Variants in PRDX3 observed in about 807,000 individuals in gnomAD.
PRDX3 encodes thioredoxin-dependent peroxide reductase, mitochondrial.
PRDX3 carries 20 observed loss-of-function variants against 30.4 expected under a neutral mutation model. That is an observed-to-expected ratio of 0.66 (90% CI 0.46 to 0.96). PRDX3 has a LOEUF of 0.96. PRDX3 is among the 40% of genes least tolerant of loss of function. The probability of loss-of-function intolerance (pLI) is 0.00; values close to 1 mark genes in which losing one functional copy is unlikely to be tolerated. For missense variants in PRDX3, 322 were observed against 318.3 expected, an observed-to-expected ratio of 1.01 and a Z score of -0.09; for synonymous variants, 124 against 117.8, an observed-to-expected ratio of 1.05 and a Z score of -0.34.
rs574593732 is a variant in PRDX3 at position 119,168,186 on chromosome 10, T to C, written c.*294A>G. On this transcript the variant is annotated 3_prime_UTR_variant, in exon 7 of 7. Transcript: ENST00000298510. The stretch of plus-strand genomic sequence containing the variant: ...CAAGTAAGGCTAAGAAAGAAGAGTG[T>C]TTCCATTGAGACATGATCTAAGAAT... The C allele has an allele frequency of 2.5e-5, 9 of 362,096 alleles. No individual in the cohort carries two copies. In the South Asian group the frequency reaches 3.2e-4, roughly 13 times the overall value. 22.4% of individuals were successfully genotyped at this position (362,096 alleles called of 1,614,324 possible).
rs1378393635 is a variant in PRDX3 at position 119,174,467 on chromosome 10, A to C, written c.295T>G (p.Phe99Val). The C allele has an allele frequency of 1.2e-6, 2 of 1,604,130 alleles. No homozygotes were observed. The highest frequency in any genetic ancestry group is 2.7e-5 in the African/African-American group (2 of 74,294). The change falls in exon 3 of 7, where the codon TTC becomes GTC. Residue 99 changes from phenylalanine (F) to valine (V), a missense_variant. Transcript: ENST00000298510. ...TACACTTACAAATCCAAAGGATAGAAGAAAAGCACCAAATATTTCCCCTTA... is the reference window on the plus strand; with the variant it reads ...TACACTTACAAATCCAAAGGATAGACGAAAAGCACCAAATATTTCCCCTTA... ...DFKGKYLVLFFYPLDFTFVCP... is the reference protein window; with the variant it reads ...DFKGKYLVLFVYPLDFTFVCP...
At chr10:119,177,265 C>T in intron 1 of PRDX3, 112 bp from the exon 2 acceptor site, 2 of 1,007,022 alleles carry the variant, frequency 2.0e-6, no homozygotes, top group Admixed American at 4.1e-5. Flanking sequence ...AACCAAATAG[C>T]AAACCCCAAA....
At chr10:119,169,418 C>T in intron 5 of PRDX3, 76 bp from the exon 6 acceptor site, 1 of 1,202,150 alleles carries the variant, frequency 8.3e-7, no homozygotes, top group South Asian at 1.5e-5. Flanking sequence ...CCTTTTAGGT[C>T]TTTAATTCTC....
chr10:119,178,665 T>A (rs1159726295), intron 1 of PRDX3, 90 bp downstream of exon 1: 7 of 1,470,342 alleles, frequency 4.8e-6, no homozygotes, highest in Non-Finnish European at 4.7e-6. Flanking sequence ...CGAATGGCCC[T>A]CATGCCCAGA....
intron 2 of PRDX3, among the ~76,000 whole-genome samples, chr10:119,175,541 G>A (rs1315901057): frequency 1.3e-5 from 2 of 152,064 alleles, no homozygotes; most frequent in South Asian, 2.1e-4. Flanking sequence ...GACCACAGGC[G>A]CCCGCCACCC....
In PRDX3 at chr10:119,177,060, A is replaced by T; in HGVS notation, c.130T>A (p.Leu44Met). 1.2e-6 allele frequency: 2 copies of T among 1,614,130 alleles called. No homozygotes were observed. The highest frequency in any genetic ancestry group is 1.7e-6 in the Non-Finnish European group (2 of 1,179,962). ...ACGRTSLTNL[L>M]CSGSSQAKLF... ...TTTGCTTGACTGGAACCAGAACACAATAAATTTGTCAAGCTCGTTCTTCCA... is the reference window on the plus strand; with the variant it reads ...TTTGCTTGACTGGAACCAGAACACATTAAATTTGTCAAGCTCGTTCTTCCA... The change falls in exon 2 of 7, where the codon TTG becomes ATG. Residue 44 changes from leucine to methionine, a missense_variant. Leu to Met is a conservative substitution (Grantham distance 15, BLOSUM62 2). Coordinates refer to ENST00000298510, the MANE Select transcript of PRDX3 (RefSeq NM_006793.5).
chr10:119,168,545 A>G lies in PRDX3; in HGVS notation c.718-12T>C, dbSNP rs779345187. The G allele has an allele frequency of 6.2e-7, 1 of 1,613,464 alleles. No individual in the cohort carries two copies. Among genetic ancestry groups the G allele is most frequent in the East Asian group, 2.2e-5 (1 of 44,858 alleles). ...GGACTTGGCTTGATCTGAAAATACA[A>G]AAGCTTAATTAGGTAACTGTGACTT... On this transcript the variant is annotated splice_polypyrimidine_tract_variant and intron_variant, in intron 6 of 6. Coordinates refer to ENST00000298510, the MANE Select transcript of PRDX3 (RefSeq NM_006793.5).
Position 119,174,431 on chromosome 10 carries a change from A to G in PRDX3, c.311+20T>C. On this transcript the variant is annotated intron_variant, in intron 3 of 6. Transcript: ENST00000298510. ...CTTGCTCTCAGAATGACACGAAAGCATCATAGAAATTACACTTACAAATCC... is the reference window on the plus strand; with the variant it reads ...CTTGCTCTCAGAATGACACGAAAGCGTCATAGAAATTACACTTACAAATCC... The G allele has an allele frequency of 6.3e-7, 1 of 1,588,662 alleles. No individual in the cohort carries two copies. Among genetic ancestry groups the G allele is most frequent in the Non-Finnish European group, 8.5e-7 (1 of 1,171,280 alleles).
In PRDX3 at chr10:119,173,722, G is replaced by A. The variant is rs1381090987; in HGVS notation, c.447+15C>T. The stretch of plus-strand genomic sequence containing the variant: ...CAAGTTTATAAGAGCAAAAGCTAGG[G>A]GTACAATGCCATACCTTTCTTGGTG... On this transcript the variant is annotated intron_variant, in intron 4 of 6. Transcript: ENST00000298510. The A allele has an allele frequency of 5.6e-6, 9 of 1,608,670 alleles. No homozygotes were observed. Among genetic ancestry groups the A allele is most frequent in the African/African-American group, 2.7e-5 (2 of 74,634 alleles).
chr10:119,175,999 G>T (rs928122063), intron 2 of PRDX3, among the ~76,000 whole-genome samples: 1 of 151,724 alleles, frequency 6.6e-6, no homozygotes, highest in African/African-American at 2.4e-5. Flanking sequence ...GGCCAGGATG[G>T]TCTTGAACTC....
intron 3 of PRDX3, 82 bp from the exon 4 acceptor site, chr10:119,173,954 C>A: frequency 6.8e-7 from 1 of 1,467,400 alleles, no homozygotes; most frequent in Non-Finnish European, 9.3e-7. Flanking sequence ...ACTAGTTCAA[C>A]TTGCTAAGGG....
chr10:119,169,510 T>C, intron 5 of PRDX3, 168 bp from the exon 6 acceptor site: 1 of 582,968 alleles, frequency 1.7e-6, no homozygotes, highest in South Asian at 2.2e-5. Flanking sequence ...TATCATCTCT[T>C]ACTGATGACA....
chr10:119,168,180 AGAG>A lies in PRDX3; in HGVS notation c.*297_*299del. 1 of 343,074 alleles carries A rather than the reference AGAG, an allele frequency of 2.9e-6. No individual in the cohort carries two copies. The highest frequency in any genetic ancestry group is 5.2e-6 in the Non-Finnish European group (1 of 191,364). 21.3% of individuals were successfully genotyped at this position (343,074 alleles called of 1,614,324 possible). On this transcript the variant is annotated 3_prime_UTR_variant, in exon 7 of 7. Transcript: ENST00000298510. ...AAGATTCAAGTAAGGCTAAGAAAGA[AGAG>A]TGTTTCCATTGAGACATGATCTAAG...
At chr10:119,176,675 G>A (rs1266327414) in intron 2 of PRDX3, among the ~76,000 whole-genome samples, 1 of 152,148 alleles carries the variant, frequency 6.6e-6, no homozygotes, top group African/African-American at 2.4e-5. Context: ...CCCACAGGCT[G>A]CCCACCACTC....
intron 5 of PRDX3, chr10:119,169,746 A>G (rs867860733): frequency 1.9e-5 from 3 of 155,036 alleles, no homozygotes; most frequent in Middle Eastern, 6.7e-3. Flanking sequence ...TATTTTATCT[A>G]GGTTCAACAA....
intron 5 of PRDX3, chr10:119,171,094 GC>G (rs1471639763): frequency 6.6e-6 from 1 of 152,088 alleles, no homozygotes; most frequent in Admixed American, 6.6e-5. Context: ...AGGCTGGAGT[GC>G]AGTGGTGCGA....
In PRDX3 at chr10:119,173,848, A is replaced by G. The variant is rs542736758; in HGVS notation, c.336T>C (p.Ile112=). 5.3e-4 allele frequency: 855 copies of G among 1,611,676 alleles called. 12 individuals carry two copies. The South Asian group carries it at 9.0e-3, about 17-fold the overall frequency. ...LDFTFVCPTE[I]VAFSDKANEF... is the part of the protein sequence containing the mutation. Reference sequence around the variant, plus strand: ...CGTTAGCTTTGTCACTAAAAGCAACAATTTCTGTAGGACACACAAAGGTGC... The same window carrying G: ...CGTTAGCTTTGTCACTAAAAGCAACGATTTCTGTAGGACACACAAAGGTGC... Residue 112 remains isoleucine, a synonymous_variant, in exon 4 of 7, where the codon ATT becomes ATC. Transcript: ENST00000298510.
At chr10:119,176,880 G>A in intron 2 of PRDX3, 141 bp downstream of exon 2, 2 of 966,850 alleles carry the variant, frequency 2.1e-6, no homozygotes, top group Non-Finnish European at 1.5e-6. Context: ...TAACTTGTCT[G>A]GGGTGGGACG....
At chr10:119,175,617 C>T (rs10749297) in intron 2 of PRDX3, among the ~76,000 whole-genome samples, 3 of 152,090 alleles carry the variant, frequency 2.0e-5, no homozygotes, top group African/African-American at 7.2e-5. Flanking sequence ...GGATGGTCTC[C>T]ATCTCCTGAC....
Sources: gnomAD v4.1 joint callset for allele counts (sites outside exome capture counted in the v4.1 genomes callset) on GRCh38, gnomAD v4.1.1 for gene constraint, MANE v1.5 for transcripts, NCBI Gene and HGNC (gene_info 2026-07-23, HGNC 2026-07-21) for gene names.